The following MTMR3 variants were observed in gnomAD, a reference collection of about 807,000 sequenced individuals.
MTMR3 encodes myotubularin related protein 3.
In MTMR3, 32 loss-of-function variants were observed where a neutral mutation model predicts 132.4. That is an observed-to-expected ratio of 0.24 (90% confidence interval 0.18 to 0.32). The LOEUF (loss-of-function observed/expected upper bound fraction) is 0.32, where lower values mean the gene tolerates loss of function less well. Among genes scored for constraint, MTMR3 ranks in the 10% least tolerant of loss-of-function variants. The pLI is 1.00. For synonymous variants in MTMR3, 556 were observed against 550.3 expected (o/e 1.01, Z -0.14); for missense variants, 1,216 against 1,489.6 (o/e 0.82, Z 3.02).
At chr22:29,934,211 G>A (rs531601002) in intron 1 of MTMR3, among the ~76,000 whole-genome samples, 3 of 152,132 alleles carry the variant, frequency 2.0e-5, no homozygotes, top group South Asian at 2.1e-4. Flanking sequence ...AAAATTAGTC[G>A]GGCATTGTGG....
At position 29,959,440 on chromosome 22, in the gene MTMR3, G is replaced by T. The variant is rs140989341; in HGVS notation, c.-85+2352G>T. ...GTCACCCAGGCTGGAGTGTGGTGGC[G>T]CGACCTCAGCTCACTGCAGCCTCCA... On this transcript the variant is annotated intron_variant, in intron 2 of 19. Transcript: ENST00000401950. Among the ~76,000 whole-genome samples, 371 of 152,084 alleles carry T rather than the reference G, an allele frequency of 2.4e-3. 3 individuals carry two copies. The highest frequency in any genetic ancestry group is 4.7e-3 in the Non-Finnish European group (322 of 67,960).
rs762481145 is a variant in MTMR3, at chr22:29,998,805, G to A, written c.505G>A (p.Gly169Ser). 2 of 1,613,092 alleles carry A rather than the reference G, an allele frequency of 1.2e-6. No individual in the cohort carries two copies. The highest frequency in any genetic ancestry group is 1.7e-6 in the Non-Finnish European group (2 of 1,179,430). The change falls in exon 8 of 20, where the codon GGT becomes AGT. Residue 169 changes from glycine (G) to serine (S), a missense_variant. Gly to Ser is a moderately conservative substitution (Grantham distance 56). Around this residue, in one of 7 missense-constraint regions of MTMR3, gnomAD observed 129 missense variants for 245.7 expected, o/e 0.53. Coordinates refer to ENST00000401950, the MANE Select transcript of MTMR3 (RefSeq NM_021090.4). ...GTTTAAAAACGAGGTGGAGAGGATG[G>A]GTTTTGATATGAACAACGCCTGGAG... Reference protein sequence around the residue: ...SRFKNEVERMGFDMNNAWRIS... With the variant: ...SRFKNEVERMSFDMNNAWRIS...
chr22:29,996,146 T>A (rs2067055646), intron 7 of MTMR3: 1 of 152,234 alleles, frequency 6.6e-6, no homozygotes, highest in Non-Finnish European at 1.5e-5. Context: ...AAAAACTGAA[T>A]AAATTAAAAC....
At chr22:29,945,054 C>T (rs534524922) in intron 1 of MTMR3, among the ~76,000 whole-genome samples, 1 of 152,240 alleles carries the variant, frequency 6.6e-6, no homozygotes, top group African/African-American at 2.4e-5. Context: ...CCTCTGTCAC[C>T]CAGGCTGGAG....
intron 2 of MTMR3, among the ~76,000 whole-genome samples, chr22:29,961,841 A>AT (rs778170609): frequency 3.3e-5 from 5 of 152,312 alleles, no homozygotes; most frequent in Non-Finnish European, 7.3e-5. Context: ...CTTTTGTATC[A>AT]TTTTTACTGT....
Position 29,978,970 on chromosome 22 carries a change from A to G in MTMR3, c.128A>G (p.Glu43Gly). 5.0e-6 allele frequency: 8 copies of G among 1,613,766 alleles called. No individual in the cohort carries two copies. Among genetic ancestry groups the G allele is most frequent in the Non-Finnish European group, 6.8e-6 (8 of 1,179,900 alleles). ...CTTGAACTTCATGGAGAGAGCACAGAGTTTGTGGGCCGTGCCGAGGATGCC... is the reference window on the plus strand; with the variant it reads ...CTTGAACTTCATGGAGAGAGCACAGGGTTTGTGGGCCGTGCCGAGGATGCC... ...PFLELHGEST[E>G]FVGRAEDAII... Residue 43 changes from glutamate (E) to glycine (G), a missense_variant, in exon 5 of 20, where the codon GAG becomes GGG. Glu to Gly is a moderately conservative substitution (Grantham distance 98). Transcript: ENST00000401950.
chr22:29,917,283 A>G (rs2065326559), intron 1 of MTMR3, among the ~76,000 whole-genome samples: 1 of 152,208 alleles, frequency 6.6e-6, no homozygotes, highest in Admixed American at 6.5e-5. Context: ...TCTTAGTAAT[A>G]TTAACCCCTT....
chr22:29,929,759 A>G (rs2065603992), intron 1 of MTMR3, among the ~76,000 whole-genome samples: 1 of 152,026 alleles, frequency 6.6e-6, no homozygotes, highest in African/African-American at 2.4e-5. Flanking sequence ...TGATCCGCCC[A>G]TCTTGGCCTC....
chr22:29,985,987 C>T (rs932629476), intron 5 of MTMR3: 1 of 151,782 alleles, frequency 6.6e-6, no homozygotes, highest in Non-Finnish European at 1.5e-5. Flanking sequence ...TAATCCATTT[C>T]CCCCAGCAGC....
At chr22:29,995,934 T>C (rs2067051071) in intron 7 of MTMR3, 1 of 152,240 alleles carries the variant, frequency 6.6e-6, no homozygotes, top group Non-Finnish European at 1.5e-5. Flanking sequence ...AGAAATGGAA[T>C]AGAAAATATC....
At chr22:29,895,099 T>G (rs2064868667) in intron 1 of MTMR3, among the ~76,000 whole-genome samples, 2 of 152,048 alleles carry the variant, frequency 1.3e-5, no homozygotes, top group Non-Finnish European at 2.9e-5. Flanking sequence ...TCCCAGCTAC[T>G]CAGGAGGCTG....
chr22:29,898,627 C>G (rs1387406076), intron 1 of MTMR3, among the ~76,000 whole-genome samples: 3 of 152,126 alleles, frequency 2.0e-5, no homozygotes, highest in Non-Finnish European at 4.4e-5. Flanking sequence ...GCCTCGAACT[C>G]CTGGACTCAA....
intron 5 of MTMR3, chr22:29,986,612 CA>C: frequency 1.0e-6 from 1 of 979,972 alleles, no homozygotes; most frequent in Non-Finnish European, 1.2e-6. Flanking sequence ...AACAGAAGGC[CA>C]AAAGCTCCTT....
intron 1 of MTMR3, among the ~76,000 whole-genome samples, chr22:29,945,101 C>T (rs2065926925): frequency 6.6e-6 from 1 of 152,180 alleles, no homozygotes; most frequent in African/African-American, 2.4e-5. Context: ...CATCCTCAGC[C>T]TCCTGGACTC....
At position 30,026,886 on chromosome 22, in the gene MTMR3, G is replaced by A. The variant is rs1169468890; in HGVS notation, c.*1085G>A. 1 of 152,788 alleles carries A rather than the reference G, an allele frequency of 6.5e-6. No individual in the cohort carries two copies. Among genetic ancestry groups the A allele is most frequent in the Non-Finnish European group, 1.5e-5 (1 of 68,078 alleles). The allele number at this position is 152,788 out of a possible 1,614,324, so 9.5% of individuals were successfully genotyped here. ...CAGCCTTTCTCCTCTTCTCTTCTTG[G>A]GACAGGAATAACTGCTGAGCAGTCC... On this transcript the variant is annotated 3_prime_UTR_variant, in exon 20 of 20. Transcript: ENST00000401950.
Position 29,935,354 on chromosome 22 carries a change from T to C in MTMR3, c.-137-21682T>C, listed in dbSNP as rs543409059. On this transcript the variant is annotated intron_variant, in intron 1 of 19. Transcript: ENST00000401950. ...GCAGGAGAAAGAAAAAGTGACTTGCTCAAGATTACAGAACTACTAGATGCC... is the reference window on the plus strand; with the variant it reads ...GCAGGAGAAAGAAAAAGTGACTTGCCCAAGATTACAGAACTACTAGATGCC... Among the ~76,000 whole-genome samples the C allele has an allele frequency of 6.8e-4, 104 of 152,284 alleles. 1 individual carries two copies. Among genetic ancestry groups the C allele is most frequent in the Admixed American group, 1.4e-3 (22 of 15,282 alleles).
At chr22:29,968,548 G>T (rs988110055) in intron 2 of MTMR3, among the ~76,000 whole-genome samples, 8 of 152,070 alleles carry the variant, frequency 5.3e-5, no homozygotes, top group African/African-American at 1.7e-4. Context: ...TCCAATAAGT[G>T]CCTTTTTGCA....
At chr22:29,972,209 G>A (rs1363917894) in intron 3 of MTMR3, among the ~76,000 whole-genome samples, 1 of 152,246 alleles carries the variant, frequency 6.6e-6, no homozygotes, top group South Asian at 2.1e-4. Context: ...TCAATGAATT[G>A]AAAAAGTGCT....
At chr22:29,924,962 G>C (rs910238416) in intron 1 of MTMR3, among the ~76,000 whole-genome samples, 3 of 152,152 alleles carry the variant, frequency 2.0e-5, no homozygotes, top group African/African-American at 7.2e-5. Context: ...ATTGATAATA[G>C]ATATAATTGT....
Sources: allele counts gnomAD v4.1 joint callset (sites outside exome capture counted in the v4.1 genomes callset), GRCh38; gene constraint gnomAD v4.1.1; regional missense constraint gnomAD v4.1.1; transcripts MANE v1.5; gene names NCBI Gene and HGNC (gene_info 2026-07-23, HGNC 2026-07-21).